LRP2: variants seen among roughly 807,000 people sequenced by gnomAD.
LRP2 encodes the protein low-density lipoprotein receptor-related protein 2.
LRP2 carries 172 observed loss-of-function variants against 531.0 expected under a neutral mutation model. The ratio of observed to expected loss-of-function variants is 0.32; its 90% CI spans 0.29 to 0.37. The LOEUF (loss-of-function observed/expected upper bound fraction) is 0.37, where lower values mean the gene tolerates loss of function less well. Ranked by LOEUF, LRP2 falls within the 10% of genes least tolerant of loss-of-function variation. LRP2 has a pLI of 1.00. For missense variants in LRP2, 5,167 were observed against 5,868.3 expected (o/e 0.88, Z 3.90); for synonymous variants, 1,992 against 2,027.6 (o/e 0.98, Z 0.47).
intron 1 of LRP2, among the ~76,000 whole-genome samples, chr2:169,327,981 T>TG (rs1317997935): frequency 1.5e-5 from 1 of 68,214 alleles, no homozygotes; most frequent in East Asian, 5.4e-4. Flanking sequence ...GGGAGGGAGG[T>TG]GGGGGGGTTA....
intron 1 of LRP2, among the ~76,000 whole-genome samples, chr2:169,327,889 G>T (rs1192174400): frequency 1.3e-5 from 1 of 75,908 alleles, no homozygotes; most frequent in African/African-American, 6.1e-5. Context: ...GAGGTGGGGG[G>T]GTCAGCCCCC....
chr2:169,272,515 G>A (rs887608143), intron 15 of LRP2, among the ~76,000 whole-genome samples: 1 of 152,072 alleles, frequency 6.6e-6, no homozygotes. Flanking sequence ...AAGTCAAAGT[G>A]GGGAGAAGTA....
chr2:169,202,712 A>G, intron 43 of LRP2, 44 bp downstream of exon 43: 1 of 1,585,036 alleles, frequency 6.3e-7, no homozygotes, highest in Non-Finnish European at 8.7e-7. Context: ...CTTGACATCA[A>G]GATGCCATTA....
intron 1 of LRP2, among the ~76,000 whole-genome samples, chr2:169,324,090 AG>A (rs1198237467): frequency 6.6e-6 from 1 of 152,220 alleles, no homozygotes; most frequent in Non-Finnish European, 1.5e-5. Context: ...CACCATTCTA[AG>A]TGCTCTGCCA....
Position 169,201,739 on chromosome 2 carries a change from T to C in LRP2, c.8341A>G (p.Asn2781Asp). Residue 2781 changes from asparagine (N) to aspartate (D), a missense_variant, in exon 44 of 79, where the codon AAT becomes GAT. Transcript: ENST00000649046. The part of the protein sequence containing the change: ...DEAGCLFRDC[N>D]ATTEFMCNNR... ...TTGCACATAAACTCCGTGGTGGCATTGCAGTCCCTGAACAGGCACCCTGCC... is the reference window on the plus strand; with the variant it reads ...TTGCACATAAACTCCGTGGTGGCATCGCAGTCCCTGAACAGGCACCCTGCC... 1 of 1,614,210 alleles carries C rather than the reference T, an allele frequency of 6.2e-7. No individual in the cohort carries two copies. The highest frequency in any genetic ancestry group is 8.5e-7 in the Non-Finnish European group (1 of 1,180,030).
At chr2:169,196,764 G>A in intron 46 of LRP2, 147 bp downstream of exon 46, 2 of 1,079,582 alleles carry the variant, frequency 1.9e-6, no homozygotes, top group Non-Finnish European at 2.8e-6. Flanking sequence ...AATATCCGCT[G>A]AGCGGTGTCA....
chr2:169,210,088 C>T (rs566778350), intron 37 of LRP2, among the ~76,000 whole-genome samples: 11 of 151,888 alleles, frequency 7.2e-5, no homozygotes, highest in East Asian at 1.9e-4. Context: ...AAAAGTAAAC[C>T]GGGGAGACAC....
intron 36 of LRP2, 147 bp downstream of exon 36, chr2:169,213,510 T>C (rs1009900249): frequency 1.3e-6 from 1 of 761,502 alleles, no homozygotes; most frequent in African/African-American, 1.7e-5. Flanking sequence ...TAAGACTTCA[T>C]TATCATTTTT....
intron 52 of LRP2, 71 bp downstream of exon 52, chr2:169,181,377 A>G (rs1574104403): frequency 4.7e-6 from 7 of 1,480,858 alleles, no homozygotes; most frequent in East Asian, 2.3e-5. Context: ...GGACTAATAG[A>G]CTGGAATCAC....
intron 46 of LRP2, among the ~76,000 whole-genome samples, chr2:169,196,199 G>A (rs1343510345): frequency 2.0e-5 from 3 of 152,180 alleles, no homozygotes; most frequent in African/African-American, 7.2e-5. Flanking sequence ...AGCCATATGT[G>A]GCTGCATTTG....
chr2:169,271,255 G>A, intron 15 of LRP2, 148 bp from the exon 16 acceptor site: 2 of 594,620 alleles, frequency 3.4e-6, no homozygotes, highest in East Asian at 2.9e-5. Flanking sequence ...GGAAAGCATA[G>A]TTAGAAATAA....
Position 169,176,593 on chromosome 2 carries a change from T to C in LRP2, c.10394-5A>G. ...TGGTACCACAGGGATTGCTCACTAG[T>C]GGAAAAGGAAGAAAATATGTGTTCA... On this transcript the variant is annotated splice_region_variant and splice_polypyrimidine_tract_variant and intron_variant, in intron 53 of 78. Coordinates refer to ENST00000649046, the MANE Select transcript of LRP2 (RefSeq NM_004525.3). The C allele has an allele frequency of 6.2e-7, 1 of 1,613,768 alleles. No individual in the cohort carries two copies. The highest frequency in any genetic ancestry group is 8.5e-7 in the Non-Finnish European group (1 of 1,179,814).
chr2:169,174,104 G>A lies in LRP2; in HGVS notation c.10829C>T (p.Ser3610Phe). The stretch of plus-strand genomic sequence containing the variant: ...GTCGTTAAATGTGTCACACTGCCAG[G>A]ATTCTGGGATGCAACGTTTGTTGGC... Reference protein sequence around the residue: ...QCANKRCIPESWQCDTFNDCE... With the variant: ...QCANKRCIPEFWQCDTFNDCE... Residue 3610 changes from serine (S) to phenylalanine (F), a missense_variant, in exon 56 of 79, where the codon TCC (serine) becomes TTC (phenylalanine). Physicochemically the swap from Ser to Phe is radical, Grantham distance 155. Around this residue, in one of 6 missense-constraint regions of LRP2, gnomAD observed 311 missense variants for 309.4 expected, o/e 1.01. Transcript: ENST00000649046. The A allele has an allele frequency of 7.4e-6, 12 of 1,614,220 alleles. No individual in the cohort carries two copies. Among genetic ancestry groups the A allele is most frequent in the Non-Finnish European group, 9.3e-6 (11 of 1,180,040 alleles).
chr2:169,163,298 T>C (rs972766529), intron 62 of LRP2, among the ~76,000 whole-genome samples: 1 of 152,026 alleles, frequency 6.6e-6, no homozygotes, highest in African/African-American at 2.4e-5. Flanking sequence ...GGCAAGATAG[T>C]ATAAGAAAGA....
intron 63 of LRP2, 101 bp from the exon 64 acceptor site, chr2:169,157,603 C>G: frequency 7.7e-7 from 1 of 1,305,978 alleles, no homozygotes; most frequent in Non-Finnish European, 1.1e-6. Context: ...TATAGGACAT[C>G]TTGAGATAAC....
chr2:169,181,712 G>T, intron 51 of LRP2, 94 bp from the exon 52 acceptor site: 1 of 732,240 alleles, frequency 1.4e-6, no homozygotes, highest in Non-Finnish European at 2.3e-6. Flanking sequence ...AATGGAGTCT[G>T]CATTCTGTAG....
chr2:169,300,754 G>C (rs1417203344), intron 4 of LRP2, among the ~76,000 whole-genome samples: 1 of 151,986 alleles, frequency 6.6e-6, no homozygotes, highest in African/African-American at 2.4e-5. Flanking sequence ...AGGTAAGATG[G>C]GGTCCTTTGG....
Position 169,277,925 on chromosome 2 carries a change from C to T in LRP2, c.1592G>A (p.Ser531Asn). The change falls in exon 13 of 79, where the codon AGC becomes AAC. Residue 531 changes from serine (S) to asparagine (N), a missense_variant. Ser to Asn is a conservative substitution (Grantham distance 46, BLOSUM62 1). Transcript: ENST00000649046. ...TTCCAGCTTAGGTTCCCCAGAAAGGCTCTCCCAATCTGAGAAAAATAAATA... is the reference window on the plus strand; with the variant it reads ...TTCCAGCTTAGGTTCCCCAGAAAGGTTCTCCCAATCTGAGAAAAATAAATA... ...VGYLFFSDWE[S>N]LSGEPKLERA... The T allele has an allele frequency of 6.2e-7, 1 of 1,613,776 alleles. No individual in the cohort carries two copies. Among genetic ancestry groups the T allele is most frequent in the Non-Finnish European group, 8.5e-7 (1 of 1,179,770 alleles).
intron 1 of LRP2, among the ~76,000 whole-genome samples, chr2:169,334,519 T>G (rs923302325): frequency 6.6e-6 from 1 of 152,186 alleles, no homozygotes; most frequent in African/African-American, 2.4e-5. Flanking sequence ...ATAGGCATTA[T>G]AATAATTAAG....
Sources: gnomAD v4.1 joint callset for allele counts (sites outside exome capture counted in the v4.1 genomes callset) on GRCh38, gnomAD v4.1.1 for gene constraint, gnomAD v4.1.1 regional missense constraint, MANE v1.5 for transcripts, NCBI Gene and HGNC (gene_info 2026-07-23, HGNC 2026-07-21) for gene names.